The following RBFOX3 variants were observed in gnomAD, a reference collection of about 807,000 sequenced individuals.
The protein encoded by RBFOX3 is RNA binding fox-1 homolog 3.
RBFOX3 carries 17 observed loss-of-function variants against 48.7 expected under a neutral mutation model. The observed-to-expected ratio is 0.35, with a 90% CI of 0.24 to 0.52. RBFOX3 has a LOEUF of 0.52. Ranked by LOEUF, RBFOX3 falls within the 20% of genes least tolerant of loss-of-function variation. The pLI is 0.94. For missense variants in RBFOX3, 382 were observed against 497.5 expected (o/e 0.77, Z 2.21); for synonymous variants, 212 against 209.5 (o/e 1.01, Z -0.10).
the RBFOX3 span, among the ~76,000 whole-genome samples, chr17:79,650,987 G>A: frequency 2.0e-5 from 3 of 152,176 alleles, no homozygotes; most frequent in African/African-American, 7.2e-5. Flanking sequence ...CGCCTGAGGT[G>A]GGGCATAAAC....
intron 3 of RBFOX3, among the ~76,000 whole-genome samples, chr17:79,259,692 G>A (rs1185790685): frequency 1.3e-5 from 2 of 152,204 alleles, no homozygotes; most frequent in East Asian, 3.9e-4. Flanking sequence ...CCTTTGCTGA[G>A]CCTGGCAATC....
chr17:79,346,333 AT>A (rs941638475), intron 2 of RBFOX3, among the ~76,000 whole-genome samples: 3 of 151,702 alleles, frequency 2.0e-5, no homozygotes, highest in Admixed American at 6.6e-5. Flanking sequence ...TAACTACACA[AT>A]TTTTTTTTCC....
In RBFOX3 at chr17:79,153,060, C is replaced by G. The variant is rs530691552; in HGVS notation, c.-33-37312G>C. On this transcript the variant is annotated intron_variant, in intron 4 of 14. Transcript: ENST00000693108. ...AGGACATCTGCCCGCTGGGGCTGCC[C>G]TATTTCCTCTGTCCCCGTCCTGCCC... Among the ~76,000 whole-genome samples, 884 of 152,334 alleles carry G rather than the reference C, an allele frequency of 5.8e-3. 3 individuals carry two copies. The highest frequency in any genetic ancestry group is 7.7e-3 in the Non-Finnish European group (521 of 68,018).
intron 2 of RBFOX3, among the ~76,000 whole-genome samples, chr17:79,478,528 C>T (rs370715269): frequency 2.5e-4 from 38 of 152,232 alleles, no homozygotes; most frequent in African/African-American, 8.9e-4. Flanking sequence ...CAAAGATGCT[C>T]CCCCATCCCC....
chr17:79,292,462 C>T (rs1048273424), intron 3 of RBFOX3, among the ~76,000 whole-genome samples: 1 of 152,018 alleles, frequency 6.6e-6, no homozygotes, highest in Non-Finnish European at 1.5e-5. Flanking sequence ...ACTAGCATGT[C>T]CCCGGCACAT....
At chr17:79,447,761 C>CT (rs2072626412) in intron 2 of RBFOX3, among the ~76,000 whole-genome samples, 1 of 152,244 alleles carries the variant, frequency 6.6e-6, no homozygotes, top group Non-Finnish European at 1.5e-5. Flanking sequence ...GCAGAGCAGG[C>CT]TGTGGGCCGT....
chr17:79,234,661 T>TA (rs750819194), intron 4 of RBFOX3: 18 of 151,894 alleles, frequency 1.2e-4, no homozygotes, highest in Non-Finnish European at 2.1e-4. Flanking sequence ...AGGTTTGACT[T>TA]ACGATTGACT....
chr17:79,265,858 C>T (rs2066607982), intron 3 of RBFOX3, among the ~76,000 whole-genome samples: 1 of 152,198 alleles, frequency 6.6e-6, no homozygotes. Flanking sequence ...CTCCAGGTGA[C>T]TTTGGACAGG....
At chr17:79,559,288 G>A (rs2092007090) in intron 1 of RBFOX3, among the ~76,000 whole-genome samples, 3 of 152,234 alleles carry the variant, frequency 2.0e-5, no homozygotes, top group African/African-American at 7.2e-5. Context: ...GTGGGTCATG[G>A]TGGGTGGTGA....
chr17:79,431,335 C>T (rs557352225), intron 2 of RBFOX3, among the ~76,000 whole-genome samples: 20 of 152,206 alleles, frequency 1.3e-4, no homozygotes, highest in South Asian at 2.1e-4. Flanking sequence ...TTTTTTGAGA[C>T]GGAGTTTCAC....
chr17:79,102,192 G>A (rs2076571908), intron 8 of RBFOX3, among the ~76,000 whole-genome samples: 1 of 152,226 alleles, frequency 6.6e-6, no homozygotes, highest in Admixed American at 6.5e-5. Context: ...TGGGCACGAA[G>A]TCACCTATTT....
chr17:79,609,903 C>T (rs1484999452), intron 1 of RBFOX3, among the ~76,000 whole-genome samples: 1 of 151,974 alleles, frequency 6.6e-6, no homozygotes, highest in Non-Finnish European at 1.5e-5. Flanking sequence ...CAACACGCCC[C>T]GGGCGAGCCC....
At chr17:79,602,637 T>C (rs2093731252) in intron 1 of RBFOX3, among the ~76,000 whole-genome samples, 1 of 151,984 alleles carries the variant, frequency 6.6e-6, no homozygotes, top group South Asian at 2.1e-4. Flanking sequence ...TAGTCAATAC[T>C]CCAGAAAGAA....
chr17:79,305,222 G>C (rs1403736670), intron 3 of RBFOX3, among the ~76,000 whole-genome samples: 3 of 152,156 alleles, frequency 2.0e-5, no homozygotes, highest in Non-Finnish European at 2.9e-5. Context: ...TGCCTGTGTG[G>C]GGGGGAAAGG....
At chr17:79,437,958 A>C (rs563852917) in intron 2 of RBFOX3, among the ~76,000 whole-genome samples, 1 of 152,312 alleles carries the variant, frequency 6.6e-6, no homozygotes, top group African/African-American at 2.4e-5. Context: ...GCATGCACAG[A>C]GGGGCACAAG....
At chr17:79,117,401 C>T (rs547305750) in intron 4 of RBFOX3, among the ~76,000 whole-genome samples, 1 of 152,322 alleles carries the variant, frequency 6.6e-6, no homozygotes, top group African/African-American at 2.4e-5. Context: ...CCTGCGCCTC[C>T]ACCCCACGCT....
intron 1 of RBFOX3, among the ~76,000 whole-genome samples, chr17:79,596,325 T>C (rs1358361334): frequency 2.0e-5 from 3 of 152,230 alleles, no homozygotes; most frequent in Admixed American, 2.0e-4. Flanking sequence ...CCACAGTGGC[T>C]TTCCTGCAGA....
chr17:79,355,085 G>A (rs1252068775), intron 2 of RBFOX3, among the ~76,000 whole-genome samples: 2 of 152,132 alleles, frequency 1.3e-5, no homozygotes, highest in Non-Finnish European at 2.9e-5. Flanking sequence ...TCTGACTCTC[G>A]GATTCCACTT....
intron 14 of RBFOX3, among the ~76,000 whole-genome samples, chr17:79,094,079 T>G (rs913593611): frequency 6.6e-6 from 1 of 152,128 alleles, no homozygotes; most frequent in Non-Finnish European, 1.5e-5. Context: ...CTTGGGAGCC[T>G]CTGCTGGGAA....
Sources: allele counts gnomAD v4.1 joint callset (sites outside exome capture counted in the v4.1 genomes callset), GRCh38; gene constraint gnomAD v4.1.1; transcripts MANE v1.5; gene names NCBI Gene and HGNC (gene_info 2026-07-23, HGNC 2026-07-21).